The following DPH6 variants were observed in gnomAD, a reference collection of about 807,000 sequenced individuals.
DPH6 encodes the protein diphthamine biosynthesis 6, also known as diphthine--ammonia ligase.
Under a neutral mutation model 38.2 loss-of-function variants are expected in DPH6, and 33 were observed. The ratio of observed to expected loss-of-function variants is 0.86; its 90% CI spans 0.65 to 1.15. DPH6 has a LOEUF of 1.15. Among genes scored for constraint, DPH6 ranks in the 50% most tolerant of loss-of-function variants. DPH6 has a pLI of 0.00. For missense variants in DPH6, 325 were observed against 320.0 expected (o/e 1.02, Z -0.12); for synonymous variants, 108 against 103.0 (o/e 1.05, Z -0.30).
chr15:35,533,643 A>C (rs2055121577), intron 3 of DPH6, among the ~76,000 whole-genome samples: 1 of 151,416 alleles, frequency 6.6e-6, no homozygotes, highest in Admixed American at 6.6e-5. Flanking sequence ...AATAATAAAA[A>C]ATAATTGTTG....
At chr15:35,312,878 T>C (rs969981554) in intron 3 of DPH6, among the ~76,000 whole-genome samples, 2 of 152,104 alleles carry the variant, frequency 1.3e-5, no homozygotes, top group Non-Finnish European at 2.9e-5. Flanking sequence ...CATTGGTCTA[T>C]GTGTTTGTTT....
At chr15:35,230,786 G>A (rs886269749) in intron 3 of DPH6, among the ~76,000 whole-genome samples, 3 of 152,132 alleles carry the variant, frequency 2.0e-5, no homozygotes, top group Non-Finnish European at 2.9e-5. Context: ...GTCCCAAGGT[G>A]TGTCTAGAAA....
At chr15:35,337,824 C>G (rs1210428245) in intron 3 of DPH6, among the ~76,000 whole-genome samples, 1 of 151,964 alleles carries the variant, frequency 6.6e-6, no homozygotes, top group African/African-American at 2.4e-5. Context: ...CTACTGGTAC[C>G]AAAACAGAGA....
At chr15:35,397,539 T>C (rs75800459) in intron 6 of DPH6, among the ~76,000 whole-genome samples, 5,344 of 152,030 alleles carry the variant, frequency 0.035, 294 homozygotes, top group African/African-American at 0.12. Flanking sequence ...CATTAACCAA[T>C]TTATCAGGAC....
chr15:35,216,934 C>T (rs140367128), downstream of DPH6, among the ~76,000 whole-genome samples: 180 of 152,184 alleles, frequency 1.2e-3, no homozygotes, highest in African/African-American at 4.2e-3. Context: ...TTGGGGAGGA[C>T]AGAATGTAAA....
chr15:35,200,210 A>G, the DPH6 span, among the ~76,000 whole-genome samples: 1 of 152,120 alleles, frequency 6.6e-6, no homozygotes, highest in Non-Finnish European at 1.5e-5. Flanking sequence ...GTTATAATTT[A>G]AGGGAGATTT....
At chr15:35,178,419 G>A in the DPH6 span, among the ~76,000 whole-genome samples, 17 of 152,186 alleles carry the variant, frequency 1.1e-4, no homozygotes, top group Admixed American at 1.1e-3. Context: ...GAGAGGGCAT[G>A]TTCAGAGGAA....
intron 3 of DPH6, among the ~76,000 whole-genome samples, chr15:35,320,628 C>T (rs947793197): frequency 6.6e-6 from 1 of 152,158 alleles, no homozygotes; most frequent in African/African-American, 2.4e-5. Context: ...AGTTGTTAAT[C>T]TTTGGCTTAT....
intron 3 of DPH6, among the ~76,000 whole-genome samples, chr15:35,511,553 T>C (rs969220888): frequency 3.3e-5 from 5 of 152,030 alleles, no homozygotes; most frequent in African/African-American, 9.7e-5. Context: ...AGCTGAAAAG[T>C]AGAAGAAACA....
intron 3 of DPH6, among the ~76,000 whole-genome samples, chr15:35,469,548 T>A (rs778909319): frequency 1.3e-5 from 2 of 152,184 alleles, no homozygotes; most frequent in Non-Finnish European, 2.9e-5. Context: ...TGGTGTTATA[T>A]GGCCGAGAAA....
At chr15:35,541,900 A>T (rs1214089341) in intron 2 of DPH6, among the ~76,000 whole-genome samples, 9 of 152,140 alleles carry the variant, frequency 5.9e-5, no homozygotes, top group Non-Finnish European at 1.3e-4. Context: ...GAAAAGTGGG[A>T]ATGCATTGCT....
At chr15:35,204,672 G>A in the DPH6 span, among the ~76,000 whole-genome samples, 6 of 151,716 alleles carry the variant, frequency 4.0e-5, no homozygotes, top group African/African-American at 1.4e-4. Flanking sequence ...AGGAGTAATT[G>A]AATCACTATA....
the DPH6 span, among the ~76,000 whole-genome samples, chr15:35,153,565 G>A: frequency 6.6e-6 from 1 of 152,138 alleles, no homozygotes; most frequent in Non-Finnish European, 1.5e-5. Flanking sequence ...TAAGAAGCAT[G>A]GAGCTTGTGA....
chr15:35,238,533 A>G (rs2051573746), intron 3 of DPH6, among the ~76,000 whole-genome samples: 1 of 152,184 alleles, frequency 6.6e-6, no homozygotes, highest in Admixed American at 6.5e-5. Context: ...TAATGAGATT[A>G]TTTTGGGCAA....
At chr15:35,380,870 T>C (rs1478474547) in intron 7 of DPH6, among the ~76,000 whole-genome samples, 1 of 152,194 alleles carries the variant, frequency 6.6e-6, no homozygotes, top group Non-Finnish European at 1.5e-5. Flanking sequence ...TTGGATGTAA[T>C]AGGTACTTGA....
intron 3 of DPH6, among the ~76,000 whole-genome samples, chr15:35,257,915 T>C (rs1307002443): frequency 1.3e-5 from 2 of 152,080 alleles, no homozygotes; most frequent in East Asian, 1.9e-4. Context: ...AGAACATAAA[T>C]GTAAGCAATA....
intron 3 of DPH6, among the ~76,000 whole-genome samples, chr15:35,347,379 C>T (rs893629266): frequency 4.6e-5 from 7 of 151,670 alleles, no homozygotes; most frequent in Non-Finnish European, 1.0e-4. Flanking sequence ...CTCAAACTCC[C>T]GGGTTTAAGT....
intron 3 of DPH6, among the ~76,000 whole-genome samples, chr15:35,281,524 C>A (rs2051899388): frequency 6.6e-6 from 1 of 152,134 alleles, no homozygotes; most frequent in African/African-American, 2.4e-5. Context: ...TTGACCTAAG[C>A]AGGAGGCTGG....
rs370898941 is a variant in DPH6, at chr15:35,372,199, G to A, written c.755C>T (p.Ser252Phe). The part of the protein sequence containing the change: ...FLELHLEDKV[S>F]SVPDNYRTSN... ...TGTTCTGTAGTTGTCAGGCACTGAG[G>A]ACACCTAAAAAAAAAAGGGAAGGAA... Residue 252 changes from serine (S) to phenylalanine (F), a missense_variant, in exon 9 of 9, where the codon TCC becomes TTC. Transcript: ENST00000256538. The A allele has an allele frequency of 2.4e-5, 35 of 1,485,132 alleles. No individual in the cohort carries two copies. Among genetic ancestry groups the A allele is most frequent in the Non-Finnish European group, 2.9e-5 (33 of 1,126,022 alleles). The allele number at this position is 1,485,132 out of a possible 1,614,324, so 92.0% of individuals were successfully genotyped here. A position where few individuals can be genotyped will look rare whatever the true frequency, so the allele number is the denominator to read the frequency against.
Sources: gnomAD v4.1 joint callset for allele counts (sites outside exome capture counted in the v4.1 genomes callset) on GRCh38, gnomAD v4.1.1 for gene constraint, MANE v1.5 for transcripts, NCBI Gene and HGNC (gene_info 2026-07-23, HGNC 2026-07-21) for gene names.